Variants in ADGRV1 observed in about 807,000 individuals in gnomAD.
ADGRV1 encodes G-protein coupled receptor 98.
A neutral mutation model predicts 596.2 loss-of-function variants in ADGRV1; 359 were observed. That is an observed-to-expected ratio of 0.60 (90% confidence interval 0.55 to 0.66). The LOEUF is 0.66. Ranked by LOEUF, ADGRV1 falls within the 30% of genes least tolerant of loss-of-function variation. ADGRV1 has a pLI of 0.00. For synonymous variants in ADGRV1, 2,681 were observed against 2,679.2 expected, an observed-to-expected ratio of 1.00 and a Z score of -0.02; for missense variants, 7,274 against 7,575.6, an observed-to-expected ratio of 0.96 and a Z score of 1.48.
intron 1 of ADGRV1, among the ~76,000 whole-genome samples, chr5:90,607,955 AT>A (rs570899621): frequency 6.6e-6 from 1 of 151,986 alleles, no homozygotes; most frequent in Non-Finnish European, 1.5e-5. Context: ...AAGAGGGAAG[AT>A]TTTTTTTAAA....
At chr5:90,928,489 C>G (rs1774775578) in intron 83 of ADGRV1, among the ~76,000 whole-genome samples, 1 of 150,032 alleles carries the variant, frequency 6.7e-6, no homozygotes, top group Non-Finnish European at 1.5e-5. Flanking sequence ...CCATCAGCTC[C>G]TTTAAGCAGT....
At chr5:90,646,157 T>TACTATTTAA in intron 16 of ADGRV1, 66 bp downstream of exon 16, 1 of 1,136,396 alleles carries the variant, frequency 8.8e-7, no homozygotes, top group Non-Finnish European at 1.2e-6. Context: ...AATGTATATA[T>TACTATTTAA]GCACGTGCAT....
intron 59 of ADGRV1, among the ~76,000 whole-genome samples, chr5:90,767,520 G>T (rs1757269502): frequency 6.6e-6 from 1 of 152,152 alleles, no homozygotes; most frequent in African/African-American, 2.4e-5. Flanking sequence ...AAACCTATGT[G>T]AAATTGGCTC....
chr5:90,830,928 C>T (rs1165704384), intron 77 of ADGRV1, among the ~76,000 whole-genome samples: 1 of 152,118 alleles, frequency 6.6e-6, no homozygotes, highest in African/African-American at 2.4e-5. Flanking sequence ...GCCTGGCCCT[C>T]CTTTAAGTAA....
chr5:90,614,640 C>T, intron 1 of ADGRV1, 195 bp from the exon 2 acceptor site: 1 of 631,576 alleles, frequency 1.6e-6, no homozygotes, highest in Non-Finnish European at 2.9e-6. Context: ...AGAAAGAGAA[C>T]CGTAAGAATA....
At chr5:90,947,131 A>G (rs1273213722) in intron 83 of ADGRV1, among the ~76,000 whole-genome samples, 3 of 152,180 alleles carry the variant, frequency 2.0e-5, no homozygotes, top group Admixed American at 6.5e-5. Context: ...ATATTTCTCC[A>G]TAGCCTTGCC....
intron 84 of ADGRV1, among the ~76,000 whole-genome samples, chr5:90,973,050 A>G (rs1779205341): frequency 6.6e-6 from 1 of 152,210 alleles, no homozygotes; most frequent in African/African-American, 2.4e-5. Flanking sequence ...AATACAGACT[A>G]CCATCAGAGA....
At chr5:91,050,784 A>G (rs1030149841) in intron 85 of ADGRV1, among the ~76,000 whole-genome samples, 5 of 152,180 alleles carry the variant, frequency 3.3e-5, no homozygotes, top group Non-Finnish European at 5.9e-5. Flanking sequence ...GCTTGAGCCC[A>G]GAAGGTTGAG....
intron 85 of ADGRV1, among the ~76,000 whole-genome samples, chr5:91,049,440 T>A (rs1441566163): frequency 2.6e-5 from 4 of 152,150 alleles, no homozygotes; most frequent in East Asian, 1.9e-4. Context: ...TTCAGCATTT[T>A]AAAAAAAGTC....
intron 77 of ADGRV1, among the ~76,000 whole-genome samples, chr5:90,834,077 T>C (rs1342581315): frequency 1.3e-5 from 2 of 152,190 alleles, no homozygotes; most frequent in Non-Finnish European, 2.9e-5. Flanking sequence ...TTTCTATTTA[T>C]ATCTTATTAT....
rs1257557381 is a variant in ADGRV1 at position 90,694,524 on chromosome 5, T to C, written c.7768T>C (p.Ser2590Pro). The part of the protein sequence containing the change: ...FVIYNISPNT[S>P]EDGLFVEVQE... ...GATCTACAATATTAGTCCCAATACT[T>C]CCGAAGATGGCTTATTTGTTGAAGT... Residue 2590 changes from serine to proline, a missense_variant, in exon 33 of 90, where the codon TCC becomes CCC. This residue lies in a region of ADGRV1 where 3,643 missense variants were observed against 3,809.2 expected (regional missense o/e 0.96). Coordinates refer to ENST00000405460, the MANE Select transcript of ADGRV1 (RefSeq NM_032119.4). 1 of 1,613,924 alleles carries C rather than the reference T, an allele frequency of 6.2e-7. No homozygotes were observed.
chr5:90,629,039 A>G, intron 8 of ADGRV1, 171 bp from the exon 9 acceptor site: 1 of 657,252 alleles, frequency 1.5e-6, no homozygotes, highest in Non-Finnish European at 2.4e-6. Context: ...ATTTAGGAAT[A>G]TTTCCAAATC....
chr5:90,915,456 T>C (rs62374016), intron 83 of ADGRV1, among the ~76,000 whole-genome samples: 39,391 of 152,132 alleles, frequency 0.26, 5,622 homozygotes, highest in Admixed American at 0.41. Context: ...GTCAGGAATT[T>C]GGGGAAGAGC....
At chr5:91,108,922 TG>T (rs1792130525) in intron 87 of ADGRV1, among the ~76,000 whole-genome samples, 1 of 152,166 alleles carries the variant, frequency 6.6e-6, no homozygotes, top group African/African-American at 2.4e-5. Context: ...TAGTGTCTGA[TG>T]CACTTTAAGT....
At chr5:90,804,568 A>G (rs1007637246) in intron 71 of ADGRV1, among the ~76,000 whole-genome samples, 1 of 152,222 alleles carries the variant, frequency 6.6e-6, no homozygotes, top group African/African-American at 2.4e-5. Flanking sequence ...GAAGGGGAGA[A>G]TGAGTTTTAA....
intron 86 of ADGRV1, among the ~76,000 whole-genome samples, chr5:91,079,516 G>C (rs188950708): frequency 3.5e-4 from 54 of 152,262 alleles, no homozygotes; most frequent in African/African-American, 1.3e-3. Context: ...ATTTGATACT[G>C]CTCATGAAAA....
At chr5:90,906,171 A>T (rs985604870) in intron 83 of ADGRV1, among the ~76,000 whole-genome samples, 1 of 151,934 alleles carries the variant, frequency 6.6e-6, no homozygotes, top group Non-Finnish European at 1.5e-5. Flanking sequence ...TTTGTTGAAG[A>T]TATTGGCCTG....
intron 87 of ADGRV1, among the ~76,000 whole-genome samples, chr5:91,103,785 A>G (rs888977751): frequency 9.2e-5 from 14 of 152,130 alleles, no homozygotes; most frequent in Non-Finnish European, 1.5e-4. Context: ...AGATTATGAC[A>G]CATTTAATGC....
intron 1 of ADGRV1, among the ~76,000 whole-genome samples, chr5:90,596,757 C>CTATAA (rs1760706423): frequency 6.6e-6 from 1 of 152,134 alleles, no homozygotes; most frequent in Admixed American, 6.5e-5. Flanking sequence ...CCAGCTTCCG[C>CTATAA]TCGGCATCAG....
Sources: gnomAD v4.1 joint callset for allele counts (sites outside exome capture counted in the v4.1 genomes callset) on GRCh38, gnomAD v4.1.1 for gene constraint, gnomAD v4.1.1 regional missense constraint, MANE v1.5 for transcripts, NCBI Gene and HGNC (gene_info 2026-07-23, HGNC 2026-07-21) for gene names.